CLTC: variants seen among roughly 807,000 people sequenced by gnomAD.
CLTC encodes the protein clathrin heavy chain.
Under a neutral mutation model 195.8 loss-of-function variants are expected in CLTC, and 16 were observed. The observed-to-expected ratio is 0.08, with a 90% CI of 0.06 to 0.12. The LOEUF (loss-of-function observed/expected upper bound fraction) is 0.12. Ranked by LOEUF, CLTC falls within the 10% of genes least tolerant of loss-of-function variation. The probability of loss-of-function intolerance (pLI) is 1.00; values close to 1 mark genes in which losing one functional copy is unlikely to be tolerated. For missense variants in CLTC, 796 were observed against 2,027.0 expected, an observed-to-expected ratio of 0.39 and a Z score of 11.66; for synonymous variants, 667 against 689.4, an observed-to-expected ratio of 0.97 and a Z score of 0.51.
At chr17:59,664,389 T>G (rs182004946) in intron 9 of CLTC, among the ~76,000 whole-genome samples, 76 of 151,942 alleles carry the variant, frequency 5.0e-4, no homozygotes, top group African/African-American at 1.8e-3. Flanking sequence ...TTGTCTTTAC[T>G]AAAAATACAA....
At position 59,673,626 on chromosome 17, in the gene CLTC, TTTTG is replaced by T. The variant is rs779003001; in HGVS notation, c.2293-15_2293-12del. The T allele has an allele frequency of 3.3e-5, 52 of 1,597,908 alleles. 1 individual carries two copies. In the South Asian group the frequency reaches 5.4e-4, roughly 16 times the overall value. On this transcript the variant is annotated splice_polypyrimidine_tract_variant and intron_variant, in intron 14 of 31. Coordinates refer to ENST00000269122, the MANE Select transcript of CLTC (RefSeq NM_004859.4). ...CTCATAGAAGAAATTTAAAGTTTCC[TTTTG>T]TTTGTCTTTTTTTCAGGAAGCAAAA...
At chr17:59,638,455 A>G (rs1238540411) in intron 1 of CLTC, among the ~76,000 whole-genome samples, 2 of 152,056 alleles carry the variant, frequency 1.3e-5, no homozygotes, top group Admixed American at 6.6e-5. Flanking sequence ...GTTTCATATG[A>G]GAAAACATAA....
chr17:59,625,418 C>T (rs2031519942), intron 1 of CLTC, among the ~76,000 whole-genome samples: 1 of 152,078 alleles, frequency 6.6e-6, no homozygotes, highest in East Asian at 1.9e-4. Context: ...AGCCACCGTG[C>T]CCGGCTATGT....
At chr17:59,692,972 C>G (rs139643859) in intron 31 of CLTC, among the ~76,000 whole-genome samples, 3 of 152,232 alleles carry the variant, frequency 2.0e-5, no homozygotes, top group Non-Finnish European at 4.4e-5. Context: ...ACTGCTGTCT[C>G]TAAATTAGTA....
intron 14 of CLTC, among the ~76,000 whole-genome samples, chr17:59,673,141 T>G (rs1374177256): frequency 1.3e-5 from 2 of 151,994 alleles, no homozygotes; most frequent in Non-Finnish European, 2.9e-5. Flanking sequence ...TGGCCACATG[T>G]GGTCACCATC....
chr17:59,620,604 G>A (rs1201217645), intron 1 of CLTC, among the ~76,000 whole-genome samples: 3 of 127,264 alleles, frequency 2.4e-5, no homozygotes, highest in Non-Finnish European at 4.7e-5. Context: ...CCCTCATCGT[G>A]TCTGCACCCA....
intron 30 of CLTC, chr17:59,686,931 AT>A: frequency 1.1e-6 from 1 of 901,406 alleles, no homozygotes; most frequent in Non-Finnish European, 1.3e-6. Flanking sequence ...TTTGTTGCTG[AT>A]TCTACCTTTT....
At chr17:59,684,041 C>T in intron 28 of CLTC, 56 bp downstream of exon 28, 2 of 1,165,632 alleles carry the variant, frequency 1.7e-6, no homozygotes, top group Non-Finnish European at 2.5e-6. Flanking sequence ...TATGTTTTCC[C>T]ATTTTTTAAA....
Position 59,683,128 on chromosome 17 carries a change from T to C in CLTC, c.3907T>C (p.Leu1303=), listed in dbSNP as rs780667236. The stretch of plus-strand genomic sequence containing the variant: ...CTATTTTGAAGAGCTGATCACCATG[T>C]TGGAAGCAGCACTGGGACTTGAGCG... ...RGYFEELITM[L]EAALGLERAH... is the part of the protein sequence containing the mutation. Residue 1303 remains leucine (L), a synonymous_variant, in exon 25 of 32, where the codon TTG becomes CTG. Transcript: ENST00000269122. The surrounding 1 kb of genome is among the most constrained non-coding windows in gnomAD (Gnocchi z 6.1). The C allele has an allele frequency of 6.2e-7, 1 of 1,614,160 alleles. No homozygotes were observed. The highest frequency in any genetic ancestry group is 8.5e-7 in the Non-Finnish European group (1 of 1,180,002).
chr17:59,668,710 C>T, intron 13 of CLTC, 67 bp from the exon 14 acceptor site: 3 of 1,366,564 alleles, frequency 2.2e-6, no homozygotes, highest in Non-Finnish European at 2.0e-6. Context: ...TTTTTAATTA[C>T]ATAAATGTTT....
rs1366715043 is a variant in CLTC at position 59,695,348 on chromosome 17, T to C, written c.*1496T>C. Reference sequence around the variant, plus strand: ...ACCTAACATAAGCTCCACAGAAGAGTTTTTTAAAACTTAAAATCCCTGTCC... The same window carrying C: ...ACCTAACATAAGCTCCACAGAAGAGCTTTTTAAAACTTAAAATCCCTGTCC... On this transcript the variant is annotated 3_prime_UTR_variant, in exon 32 of 32. Coordinates refer to ENST00000269122, the MANE Select transcript of CLTC (RefSeq NM_004859.4). 5.5e-6 allele frequency: 1 copy of C among 181,246 alleles called. No homozygotes were observed. Among genetic ancestry groups the C allele is most frequent in the Non-Finnish European group, 1.2e-5 (1 of 85,978 alleles). The allele number at this position is 181,246 out of a possible 1,614,324, so 11.2% of individuals were successfully genotyped here.
chr17:59,669,039 A>C, intron 14 of CLTC, 99 bp downstream of exon 14: 1 of 1,067,784 alleles, frequency 9.4e-7, no homozygotes, highest in African/African-American at 1.6e-5. Flanking sequence ...CCTAAATGTG[A>C]AGTTGTTAGC....
intron 15 of CLTC, chr17:59,674,488 T>TTA: frequency 1.9e-6 from 1 of 519,974 alleles, no homozygotes; most frequent in South Asian, 2.6e-5. Flanking sequence ...CTTTCAATAC[T>TTA]TATTAAACCA....
intron 16 of CLTC, among the ~76,000 whole-genome samples, chr17:59,676,372 C>T (rs1298812270): frequency 6.6e-6 from 1 of 152,054 alleles, no homozygotes. Context: ...GTAGGTAATG[C>T]TGTATGTTAA....
chr17:59,624,154 A>T (rs77164489), intron 1 of CLTC, among the ~76,000 whole-genome samples: 1 of 152,166 alleles, frequency 6.6e-6, no homozygotes, highest in Non-Finnish European at 1.5e-5. Flanking sequence ...TCTTCACTCA[A>T]TCCCCCCAGA....
At chr17:59,680,593 G>A (rs1191653035) in intron 18 of CLTC, among the ~76,000 whole-genome samples, 1 of 152,042 alleles carries the variant, frequency 6.6e-6, no homozygotes, top group Non-Finnish European at 1.5e-5. Flanking sequence ...AAAACCAGAC[G>A]AATTACCGAT....
intron 1 of CLTC, among the ~76,000 whole-genome samples, chr17:59,633,653 A>T (rs1267103521): frequency 2.4e-5 from 2 of 82,248 alleles, no homozygotes; most frequent in Admixed American, 1.3e-4. Flanking sequence ...CAGGTCCCTC[A>T]GTATAGGGTA....
chr17:59,629,871 C>T (rs751999772), intron 1 of CLTC, among the ~76,000 whole-genome samples: 1 of 151,850 alleles, frequency 6.6e-6, no homozygotes. Flanking sequence ...CTCCTGATAA[C>T]GCAAATAGAT....
At chr17:59,621,124 C>T (rs1379090829) in intron 1 of CLTC, among the ~76,000 whole-genome samples, 1 of 152,202 alleles carries the variant, frequency 6.6e-6, no homozygotes, top group Admixed American at 6.5e-5. Context: ...GAGTTCTTCC[C>T]CATGGTTCCT....
Sources: gnomAD v4.1 joint callset for allele counts (sites outside exome capture counted in the v4.1 genomes callset) on GRCh38, gnomAD v4.1.1 for gene constraint, Gnocchi (gnomAD v3.1) non-coding constraint, MANE v1.5 for transcripts, NCBI Gene and HGNC (gene_info 2026-07-23, HGNC 2026-07-21) for gene names.